Variants in UBE2H observed in about 807,000 individuals in gnomAD.
UBE2H encodes ubiquitin-conjugating enzyme E2 H.
In UBE2H, 3 loss-of-function variants were observed where a neutral mutation model predicts 29.0. The ratio of observed to expected loss-of-function variants is 0.10; its 90% confidence interval spans 0.05 to 0.27. UBE2H has a LOEUF of 0.27. Ranked by LOEUF, UBE2H falls within the 10% of genes least tolerant of loss-of-function variation. UBE2H has a pLI of 1.00. For synonymous variants in UBE2H, 69 were observed against 82.9 expected (o/e 0.83, Z 0.91); for missense variants, 68 against 228.2 (o/e 0.30, Z 4.52).
chr7:129,924,616 TCA>T (rs147228151), intron 1 of UBE2H, among the ~76,000 whole-genome samples: 3,603 of 143,500 alleles, frequency 0.025, 125 homozygotes, highest in African/African-American at 0.082. Flanking sequence ...CCTTTTACAT[TCA>T]CACACACACA....
chr7:129,881,378 G>C (rs759677307), intron 1 of UBE2H, among the ~76,000 whole-genome samples: 4 of 152,182 alleles, frequency 2.6e-5, no homozygotes. Flanking sequence ...CAGACGCAGC[G>C]GCTCACGCCT....
chr7:129,858,979 C>T, intron 3 of UBE2H, 38 bp from the exon 4 acceptor site: 1 of 1,545,196 alleles, frequency 6.5e-7, no homozygotes, highest in Non-Finnish European at 8.9e-7. Flanking sequence ...AAAAAGTATC[C>T]AGAGAACAAT....
intron 3 of UBE2H, among the ~76,000 whole-genome samples, chr7:129,871,131 CAT>C (rs1296310600): frequency 2.6e-5 from 4 of 152,174 alleles, no homozygotes; most frequent in Admixed American, 2.0e-4. Context: ...TCCAAAAGAA[CAT>C]AAAGTATTAA....
rs74999452 is a variant in UBE2H at position 129,886,975 on chromosome 7, A to T, written c.54-6004T>A. Among the ~76,000 whole-genome samples the T allele has an allele frequency of 2.0e-4, 30 of 152,202 alleles. No homozygotes were observed. In the East Asian group the frequency reaches 5.8e-3, roughly 29 times the overall value. On this transcript the variant is annotated intron_variant, in intron 1 of 6. Coordinates refer to ENST00000355621, the MANE Select transcript of UBE2H (RefSeq NM_003344.4). ...AGAAGAGGTGTAGAAGAAACAGTAG[A>T]GGGCCAGCAACGTTAATGATTGAAT...
At chr7:129,922,128 T>C (rs570493810) in intron 1 of UBE2H, among the ~76,000 whole-genome samples, 15 of 147,492 alleles carry the variant, frequency 1.0e-4, no homozygotes, top group African/African-American at 3.0e-4. Context: ...AGACTACAGG[T>C]GTGCACCAGC....
chr7:129,922,733 A>C (rs145710474), intron 1 of UBE2H, among the ~76,000 whole-genome samples: 1 of 152,126 alleles, frequency 6.6e-6, no homozygotes, highest in Non-Finnish European at 1.5e-5. Context: ...ATTTATTTAT[A>C]CTATTCTAAT....
chr7:129,916,491 G>C (rs1464407961), intron 1 of UBE2H, among the ~76,000 whole-genome samples: 1 of 108,496 alleles, frequency 9.2e-6, no homozygotes, highest in Admixed American at 9.4e-5. Flanking sequence ...AAAAAAAAAA[G>C]CCTACCAAAA....
chr7:129,892,976 A>G (rs1806527251), intron 1 of UBE2H, among the ~76,000 whole-genome samples: 1 of 152,242 alleles, frequency 6.6e-6, no homozygotes, highest in Admixed American at 6.5e-5. Context: ...GGGAAGTATC[A>G]CTTATTTAAA....
At chr7:129,851,686 A>C (rs752360873) in intron 5 of UBE2H, among the ~76,000 whole-genome samples, 3 of 152,228 alleles carry the variant, frequency 2.0e-5, no homozygotes, top group Non-Finnish European at 2.9e-5. Context: ...TGGCTGGCTC[A>C]TGTCCCACGA....
At chr7:129,946,377 C>G (rs1326131734) in intron 1 of UBE2H, among the ~76,000 whole-genome samples, 1 of 152,074 alleles carries the variant, frequency 6.6e-6, no homozygotes, top group East Asian at 1.9e-4. Flanking sequence ...TTATTTTTAA[C>G]TGGGAAAAAC....
intron 3 of UBE2H, among the ~76,000 whole-genome samples, chr7:129,879,096 C>T (rs1317247292): frequency 6.6e-6 from 1 of 152,104 alleles, no homozygotes; most frequent in East Asian, 1.9e-4. Flanking sequence ...GCTAAAGAGA[C>T]TGGAGGTGGG....
At chr7:129,895,068 G>C (rs1457211949) in intron 1 of UBE2H, among the ~76,000 whole-genome samples, 1 of 152,106 alleles carries the variant, frequency 6.6e-6, no homozygotes, top group South Asian at 2.1e-4. Flanking sequence ...AAAGACATCT[G>C]GTACTTAATT....
At chr7:129,948,556 G>A (rs1335440774) in intron 1 of UBE2H, among the ~76,000 whole-genome samples, 1 of 152,178 alleles carries the variant, frequency 6.6e-6, no homozygotes, top group African/African-American at 2.4e-5. Flanking sequence ...GCTCACACCT[G>A]TAATTCCAGC....
chr7:129,878,345 T>C (rs892371575), intron 3 of UBE2H, among the ~76,000 whole-genome samples: 4 of 151,964 alleles, frequency 2.6e-5, no homozygotes, highest in African/African-American at 9.7e-5. Context: ...GGGGGTGTAG[T>C]GGGGAGTGGT....
At chr7:129,937,902 T>C (rs1807563152) in intron 1 of UBE2H, among the ~76,000 whole-genome samples, 1 of 152,218 alleles carries the variant, frequency 6.6e-6, no homozygotes, top group African/African-American at 2.4e-5. Flanking sequence ...CATATTGTGA[T>C]GCAAAGATGA....
intron 3 of UBE2H, among the ~76,000 whole-genome samples, chr7:129,872,628 G>A (rs989763009): frequency 2.6e-5 from 4 of 151,916 alleles, no homozygotes; most frequent in Non-Finnish European, 2.9e-5. Context: ...GATCACCTGA[G>A]GTCAGGCATT....
intron 1 of UBE2H, among the ~76,000 whole-genome samples, chr7:129,950,591 C>T (rs150071036): frequency 6.6e-6 from 1 of 152,282 alleles, no homozygotes; most frequent in Non-Finnish European, 1.5e-5. Flanking sequence ...TGTCTATGTA[C>T]ATAATTTGAG....
intron 1 of UBE2H, among the ~76,000 whole-genome samples, chr7:129,945,329 T>C (rs1406193642): frequency 6.6e-6 from 1 of 151,832 alleles, no homozygotes; most frequent in African/African-American, 2.4e-5. Flanking sequence ...CTGTTAGATC[T>C]ATCTGCTCAT....
At chr7:129,867,699 T>TAAAAAA (rs59742626) in intron 3 of UBE2H, among the ~76,000 whole-genome samples, 2 of 29,634 alleles carry the variant, frequency 6.7e-5, no homozygotes, top group African/African-American at 2.9e-4. Context: ...TAGAGTATAA[T>TAAAAAA]AAAAAAAAAA....
Sources: allele counts gnomAD v4.1 joint callset (sites outside exome capture counted in the v4.1 genomes callset), GRCh38; gene constraint gnomAD v4.1.1; transcripts MANE v1.5; gene names NCBI Gene and HGNC (gene_info 2026-07-23, HGNC 2026-07-21).